Variants in CTDSPL observed in about 807,000 individuals in gnomAD.
CTDSPL encodes CTD small phosphatase-like protein.
In CTDSPL, 8 loss-of-function variants were observed where a neutral mutation model predicts 30.5. That is an observed-to-expected ratio of 0.26 (90% CI 0.15 to 0.47). The LOEUF (loss-of-function observed/expected upper bound fraction) is 0.47. CTDSPL is among the 20% of genes least tolerant of loss of function. The pLI is 0.99. For missense variants in CTDSPL, 248 were observed against 366.1 expected, an observed-to-expected ratio of 0.68 and a Z score of 2.63; for synonymous variants, 110 against 137.9, an observed-to-expected ratio of 0.80 and a Z score of 1.42.
chr3:37,955,217 CAG>C (rs1031521395), intron 2 of CTDSPL: 1 of 152,254 alleles, frequency 6.6e-6, no homozygotes, highest in African/African-American at 2.4e-5. Flanking sequence ...TCCCTCACGA[CAG>C]AGTTATCCAG....
intron 1 of CTDSPL, among the ~76,000 whole-genome samples, chr3:37,891,890 A>G (rs958055878): frequency 1.3e-5 from 2 of 151,728 alleles, no homozygotes; most frequent in African/African-American, 4.8e-5. Flanking sequence ...GTGTACATAC[A>G]TGTACATACA....
At chr3:37,979,079 G>A (rs545842894) in intron 7 of CTDSPL, among the ~76,000 whole-genome samples, 84 of 152,004 alleles carry the variant, frequency 5.5e-4, no homozygotes, top group African/African-American at 2.0e-3. Context: ...TTCAGTAGCG[G>A]TACTAAATTA....
Position 37,983,543 on chromosome 3 carries a change from A to G in CTDSPL, c.*2676A>G, listed in dbSNP as rs1235389564. 6.6e-6 allele frequency: 1 copy of G among 152,670 alleles called. No homozygotes were observed. Among genetic ancestry groups the G allele is most frequent in the Non-Finnish European group, 1.5e-5 (1 of 68,062 alleles). The allele number at this position is 152,670 out of a possible 1,614,324, so 9.5% of individuals were successfully genotyped here. Reference sequence around the variant, plus strand: ...ATACCCCCAACTCTTTAGCCAAAAGAGAACCCTGACCTCCTGAGTTTCCAT... The same window carrying G: ...ATACCCCCAACTCTTTAGCCAAAAGGGAACCCTGACCTCCTGAGTTTCCAT... On this transcript the variant is annotated 3_prime_UTR_variant, in exon 8 of 8. Transcript: ENST00000273179.
intron 3 of CTDSPL, among the ~76,000 whole-genome samples, chr3:37,959,721 T>C (rs1425387179): frequency 6.6e-6 from 1 of 152,230 alleles, no homozygotes; most frequent in Non-Finnish European, 1.5e-5. Context: ...TGATAGTTCT[T>C]TGTGATCAGT....
At chr3:37,948,814 T>TTTTTTTTTTTTTTTTTTTTTC (rs1699073883) in intron 2 of CTDSPL, among the ~76,000 whole-genome samples, 1 of 133,556 alleles carries the variant, frequency 7.5e-6, no homozygotes, top group Admixed American at 7.4e-5. Flanking sequence ...CTTTCTTTTT[T>TTTTTTTTTTTTTTTTTTTTTC]TTTTTTTTTT....
At chr3:37,932,399 A>T (rs1698864875) in intron 1 of CTDSPL, among the ~76,000 whole-genome samples, 2 of 152,238 alleles carry the variant, frequency 1.3e-5, no homozygotes, top group African/African-American at 4.8e-5. Context: ...AAAAGGCCTA[A>T]AACAAACTGA....
At chr3:37,893,994 G>T (rs1224507787) in intron 1 of CTDSPL, among the ~76,000 whole-genome samples, 1 of 152,168 alleles carries the variant, frequency 6.6e-6, no homozygotes, top group Non-Finnish European at 1.5e-5. Flanking sequence ...TTGACTAAAA[G>T]ATAATGTAAA....
chr3:37,862,262 G>A lies in CTDSPL; in HGVS notation c.63G>A (p.Pro21=), dbSNP rs772515466. 11 of 1,495,068 alleles carry A rather than the reference G, an allele frequency of 7.4e-6. No homozygotes were observed. In the South Asian group the frequency reaches 1.1e-4, roughly 15 times the overall value. 92.6% of individuals were successfully genotyped at this position (1,495,068 alleles called of 1,614,324 possible). A position where few individuals can be genotyped will look rare whatever the true frequency, so the allele number is the denominator to read the frequency against. Residue 21 remains proline (P), a synonymous_variant, in exon 1 of 8, where the codon CCG becomes CCA. Coordinates refer to ENST00000273179, the MANE Select transcript of CTDSPL (RefSeq NM_001008392.2). The surrounding 1 kb of genome is among the most constrained non-coding windows in gnomAD (Gnocchi z 4.3). ...TNPKEDEGRL[P]GAGEKASQCN... The stretch of plus-strand genomic sequence containing the variant: ...CCAAGGAGGACGAGGGCCGGTTGCC[G>A]GGCGCGGGCGAGAAAGGTGAGGAGG...
rs970310403 is a variant in CTDSPL, at chr3:37,944,447, G to A, written c.80-2610G>A. ...CTTACCAGTTTATGAGCAAATCAAG[G>A]ACCTTCTGGATGATAGCTGGGGGAG... is the stretch of plus-strand genomic sequence containing the variant. On this transcript the variant is annotated intron_variant, in intron 1 of 7. Transcript: ENST00000273179. Among the ~76,000 whole-genome samples the A allele has an allele frequency of 2.0e-5, 3 of 150,148 alleles. 1 individual carries two copies. The highest frequency in any genetic ancestry group is 4.5e-5 in the Non-Finnish European group (3 of 67,072).
intron 3 of CTDSPL, among the ~76,000 whole-genome samples, chr3:37,957,401 C>G (rs182277660): frequency 3.9e-5 from 6 of 152,298 alleles, no homozygotes; most frequent in African/African-American, 1.4e-4. Context: ...TTTTTCCTTT[C>G]TCTCTGGGAA....
chr3:37,931,145 CTTTTT>C (rs35669035), intron 1 of CTDSPL, among the ~76,000 whole-genome samples: 4 of 139,290 alleles, frequency 2.9e-5, no homozygotes, highest in African/African-American at 1.1e-4. Flanking sequence ...TCCTCTTTGT[CTTTTT>C]TTTTTTTTTT....
chr3:37,884,189 A>G (rs1322992540), intron 1 of CTDSPL, among the ~76,000 whole-genome samples: 6 of 152,194 alleles, frequency 3.9e-5, no homozygotes, highest in African/African-American at 1.2e-4. Flanking sequence ...AAAAAAATCA[A>G]TAGGGGACAA....
chr3:37,962,522 G>C (rs142179528), intron 3 of CTDSPL, among the ~76,000 whole-genome samples: 183 of 152,284 alleles, frequency 1.2e-3, no homozygotes, highest in African/African-American at 4.1e-3. Flanking sequence ...ACCATGAGGG[G>C]TTTTACTTAC....
intron 3 of CTDSPL, among the ~76,000 whole-genome samples, chr3:37,964,001 T>A (rs1308136937): frequency 1.4e-5 from 2 of 138,734 alleles, no homozygotes; most frequent in Admixed American, 7.9e-5. Context: ...GCCTATAGTT[T>A]GTCTTCAAGT....
chr3:37,897,436 G>A (rs1327634216), intron 1 of CTDSPL, among the ~76,000 whole-genome samples: 2 of 152,008 alleles, frequency 1.3e-5, no homozygotes. Context: ...GAATGCTTAC[G>A]TCATTCTGCT....
intron 1 of CTDSPL, among the ~76,000 whole-genome samples, chr3:37,896,188 T>TA (rs1342451032): frequency 1.3e-5 from 2 of 152,194 alleles, no homozygotes. Context: ...AAGGATATGA[T>TA]ACAAACATAC....
intron 2 of CTDSPL, among the ~76,000 whole-genome samples, chr3:37,948,211 G>T (rs538358289): frequency 1.3e-5 from 2 of 152,232 alleles, no homozygotes; most frequent in South Asian, 4.1e-4. Context: ...TTGAACCTGG[G>T]AGACGGAGGT....
chr3:37,863,086 G>C (rs1697964309), intron 1 of CTDSPL, among the ~76,000 whole-genome samples: 1 of 152,202 alleles, frequency 6.6e-6, no homozygotes, highest in Admixed American at 6.5e-5. Flanking sequence ...AGTCTGGGGG[G>C]GAGAAGAGGC....
intron 1 of CTDSPL, among the ~76,000 whole-genome samples, chr3:37,946,333 A>G (rs567595378): frequency 6.6e-6 from 1 of 152,326 alleles, no homozygotes; most frequent in South Asian, 2.1e-4. Context: ...AGGGCACAGT[A>G]TTGCCCTGGA....
Sources: allele counts gnomAD v4.1 joint callset (sites outside exome capture counted in the v4.1 genomes callset), GRCh38; gene constraint gnomAD v4.1.1; non-coding constraint Gnocchi (gnomAD v3.1); transcripts MANE v1.5; gene names NCBI Gene and HGNC (gene_info 2026-07-23, HGNC 2026-07-21).